Variants in DRC1 observed in about 807,000 individuals in gnomAD.
DRC1 encodes the protein dynein regulatory complex protein 1.
Under a neutral mutation model 98.7 loss-of-function variants are expected in DRC1, and 74 were observed. The ratio of observed to expected loss-of-function variants is 0.75; its 90% CI spans 0.62 to 0.91. The LOEUF (loss-of-function observed/expected upper bound fraction) is 0.91, where lower values mean the gene tolerates loss of function less well. Among genes scored for constraint, DRC1 ranks in the 40% least tolerant of loss-of-function variants. The pLI, the probability that DRC1 is intolerant of heterozygous loss-of-function variation, is 0.00. For missense variants in DRC1, 875 were observed against 886.0 expected (o/e 0.99, Z 0.16); for synonymous variants, 336 against 334.1 (o/e 1.01, Z -0.06).
chr2:26,431,271 G>A (rs983332257), intron 6 of DRC1, among the ~76,000 whole-genome samples: 2 of 152,164 alleles, frequency 1.3e-5, no homozygotes, highest in Non-Finnish European at 2.9e-5. Flanking sequence ...TGTATCTTAA[G>A]TAGAATTGCT....
chr2:26,412,838 C>G (rs1309810922), intron 1 of DRC1, among the ~76,000 whole-genome samples: 1 of 152,108 alleles, frequency 6.6e-6, no homozygotes, highest in Non-Finnish European at 1.5e-5. Context: ...AGTGCAGTGG[C>G]GCTATCTCGG....
intron 7 of DRC1, among the ~76,000 whole-genome samples, chr2:26,439,351 C>G (rs1352755486): frequency 6.6e-6 from 1 of 152,154 alleles, no homozygotes; most frequent in African/African-American, 2.4e-5. Context: ...TCTGGCCTTC[C>G]CTCTATCTTG....
In DRC1 at chr2:26,414,115, C is replaced by CATTATTATT. The variant is rs3067393; in HGVS notation, c.156-207_156-199dup. ...ATTTATATATGAAGTACAATGGAAC[C>CATTATTATT]ATTATTATTATTATTATTATTATTA... On this transcript the variant is annotated intron_variant, in intron 1 of 16. Coordinates refer to ENST00000288710, the MANE Select transcript of DRC1 (RefSeq NM_145038.5). Among the ~76,000 whole-genome samples the CATTATTATT allele has an allele frequency of 0.055, 7,962 of 144,378 alleles. 306 individuals are homozygous for CATTATTATT. Among genetic ancestry groups the CATTATTATT allele is most frequent in the African/African-American group, 0.11 (4,489 of 39,668 alleles). 94.7% of individuals were successfully genotyped at this position (144,378 alleles called of 152,430 possible).
chr2:26,408,771 A>AAAAAT (rs1157741828), intron 1 of DRC1, among the ~76,000 whole-genome samples: 9 of 152,212 alleles, frequency 5.9e-5, no homozygotes, highest in East Asian at 1.9e-4. Context: ...ACTCTGTCTC[A>AAAAAT]AAAATAAAAT....
intron 7 of DRC1, among the ~76,000 whole-genome samples, chr2:26,433,015 C>G (rs1663475031): frequency 1.3e-5 from 2 of 152,198 alleles, no homozygotes; most frequent in South Asian, 4.1e-4. Context: ...CTTCTAAGAG[C>G]TAGAACTGTC....
rs1265502645 is a variant in DRC1 at position 26,429,764 on chromosome 2, A to C, written c.677A>C (p.Glu226Ala). The C allele has an allele frequency of 3.1e-6, 5 of 1,613,936 alleles. No individual in the cohort carries two copies. Among genetic ancestry groups the C allele is most frequent in the East Asian group, 2.2e-5 (1 of 44,880 alleles). The stretch of plus-strand genomic sequence containing the variant: ...TTTCGTGAGGAGCTCTATAACATTG[A>C]GGTAACAGGGTGTGAAAAGACCTGG... ...KTFREELYNI[E>A]KAFEVERQEL... Residue 226 changes from glutamate to alanine, a missense_variant and splice_region_variant, in exon 5 of 17, where the codon GAG becomes GCG. Coordinates refer to ENST00000288710, the MANE Select transcript of DRC1 (RefSeq NM_145038.5).
At chr2:26,434,955 G>A (rs913478666) in intron 7 of DRC1, among the ~76,000 whole-genome samples, 3 of 152,014 alleles carry the variant, frequency 2.0e-5, no homozygotes, top group Admixed American at 1.3e-4. Context: ...GGGGCAGAAA[G>A]GGGGAGCAAC....
At chr2:26,421,457 G>T (rs1663139763) in intron 3 of DRC1, 57 bp downstream of exon 3, 1 of 1,473,060 alleles carries the variant, frequency 6.8e-7, no homozygotes, top group Non-Finnish European at 9.4e-7. Flanking sequence ...CATGGGTCCG[G>T]CAGTTCTCCC....
chr2:26,453,658 C>T (rs1271728715), intron 14 of DRC1, 109 bp downstream of exon 14: 10 of 1,144,936 alleles, frequency 8.7e-6, no homozygotes, highest in Admixed American at 5.0e-5. Context: ...GGGCAAGATG[C>T]GGGGACTAAG....
chr2:26,447,541 C>A (rs535940666), intron 10 of DRC1, among the ~76,000 whole-genome samples: 27 of 152,080 alleles, frequency 1.8e-4, no homozygotes, highest in Middle Eastern at 3.4e-3. Context: ...TGGTTTTTTA[C>A]AATTTAATTA....
intron 8 of DRC1, among the ~76,000 whole-genome samples, chr2:26,443,260 C>G (rs1308629346): frequency 6.6e-6 from 1 of 152,138 alleles, no homozygotes; most frequent in Admixed American, 6.5e-5. Flanking sequence ...GAATGGGGCA[C>G]TGATAAGAGC....
intron 1 of DRC1, among the ~76,000 whole-genome samples, chr2:26,411,795 T>TAA (rs200302831): frequency 5.0e-4 from 73 of 145,030 alleles, no homozygotes; most frequent in East Asian, 4.8e-3. Context: ...GACTCTGTCT[T>TAA]AAAAAAAAAA....
At chr2:26,422,507 A>G (rs1323937977) in intron 3 of DRC1, among the ~76,000 whole-genome samples, 2 of 152,248 alleles carry the variant, frequency 1.3e-5, no homozygotes, top group Admixed American at 1.3e-4. Context: ...GCAGGGAGGC[A>G]TAAGCGGCTT....
chr2:26,444,522 G>A (rs1382430095), intron 9 of DRC1, among the ~76,000 whole-genome samples, 166 bp downstream of exon 9: 4 of 152,200 alleles, frequency 2.6e-5, no homozygotes, highest in Non-Finnish European at 4.4e-5. Flanking sequence ...CTTCACTTGC[G>A]TGTCACCTGC....
chr2:26,456,190 T>C (rs1394560819), intron 16 of DRC1, among the ~76,000 whole-genome samples: 3 of 151,468 alleles, frequency 2.0e-5, no homozygotes, highest in Non-Finnish European at 4.4e-5. Flanking sequence ...CATGGGTGCG[T>C]GGAGAGAGGA....
In DRC1 at chr2:26,402,102, C is replaced by T; in HGVS notation, c.113C>T (p.Ala38Val). The change falls in exon 1 of 17, where the codon GCC becomes GTC. Residue 38 changes from alanine to valine, a missense_variant. Transcript: ENST00000288710. Reference protein sequence around the residue: ...HSDNSQERIQARRLRIAARLE... With the variant: ...HSDNSQERIQVRRLRIAARLE... ...GACAACTCTCAGGAGCGCATCCAGG[C>T]CCGGCGCCTCCGCATCGCTGCGCGC... 1 of 1,612,274 alleles carries T rather than the reference C, an allele frequency of 6.2e-7. No homozygotes were observed. The highest frequency in any genetic ancestry group is 8.5e-7 in the Non-Finnish European group (1 of 1,179,526).
intron 10 of DRC1, chr2:26,448,398 G>T: frequency 1.8e-6 from 1 of 569,068 alleles, no homozygotes. Flanking sequence ...CTGGTTCATG[G>T]CTGGATTTTG....
intron 14 of DRC1, 96 bp downstream of exon 14, chr2:26,453,645 G>T: frequency 7.8e-7 from 1 of 1,279,566 alleles, no homozygotes; most frequent in Non-Finnish European, 1.1e-6. Context: ...AGAAGAGTCT[G>T]CTGGGCAAGA....
intron 7 of DRC1, among the ~76,000 whole-genome samples, chr2:26,433,451 G>C (rs1308114669): frequency 6.6e-6 from 1 of 152,184 alleles, no homozygotes; most frequent in East Asian, 1.9e-4. Flanking sequence ...TCACAGAAAT[G>C]AGAGTTACTG....
Sources: gnomAD v4.1 joint callset for allele counts (sites outside exome capture counted in the v4.1 genomes callset) on GRCh38, gnomAD v4.1.1 for gene constraint, MANE v1.5 for transcripts, NCBI Gene and HGNC (gene_info 2026-07-23, HGNC 2026-07-21) for gene names.